SPOCK3: variants seen among roughly 807,000 people sequenced by gnomAD.
SPOCK3 encodes testican-3.
In SPOCK3, 30 loss-of-function variants were observed where a neutral mutation model predicts 56.6. The ratio of observed to expected loss-of-function variants is 0.53; its 90% CI spans 0.40 to 0.72. The LOEUF is 0.72. Ranked by LOEUF, SPOCK3 falls within the 30% of genes least tolerant of loss-of-function variation. The pLI is 0.00. For synonymous variants in SPOCK3, 196 were observed against 183.3 expected (o/e 1.07, Z -0.56); for missense variants, 527 against 530.0 (o/e 0.99, Z 0.06).
intron 4 of SPOCK3, among the ~76,000 whole-genome samples, chr4:166,998,045 C>T (rs534198347): frequency 2.0e-5 from 3 of 152,192 alleles, no homozygotes; most frequent in Admixed American, 6.6e-5. Flanking sequence ...GATCAAAGTG[C>T]TTGGCAAAGC....
At chr4:166,989,048 G>A (rs547456587) in intron 4 of SPOCK3, among the ~76,000 whole-genome samples, 13 of 151,968 alleles carry the variant, frequency 8.6e-5, no homozygotes, top group South Asian at 2.1e-4. Context: ...ATGCTAAAAC[G>A]GAAGGAAAGA....
At chr4:166,931,245 G>C (rs1739721056) in intron 4 of SPOCK3, among the ~76,000 whole-genome samples, 1 of 151,844 alleles carries the variant, frequency 6.6e-6, no homozygotes, top group African/African-American at 2.4e-5. Flanking sequence ...GCCTCTCAAA[G>C]TGCCGGGATT....
chr4:166,755,575 AGTT>A (rs201360255), intron 7 of SPOCK3, among the ~76,000 whole-genome samples: 2 of 152,034 alleles, frequency 1.3e-5, no homozygotes, highest in African/African-American at 4.8e-5. Flanking sequence ...TTGCTTATCT[AGTT>A]GTTGTTTAAT....
intron 2 of SPOCK3, among the ~76,000 whole-genome samples, chr4:167,151,310 G>A (rs964388900): frequency 6.6e-6 from 1 of 152,218 alleles, no homozygotes; most frequent in Non-Finnish European, 1.5e-5. Context: ...GGATGACATA[G>A]GCTAGCAAGA....
intron 4 of SPOCK3, among the ~76,000 whole-genome samples, chr4:166,967,800 G>T (rs1744905708): frequency 6.6e-6 from 1 of 152,160 alleles, no homozygotes; most frequent in Non-Finnish European, 1.5e-5. Context: ...TGGGTAACAG[G>T]CAAAGGTTGG....
chr4:166,942,034 T>A (rs1021766556), intron 4 of SPOCK3, among the ~76,000 whole-genome samples: 1 of 151,198 alleles, frequency 6.6e-6, no homozygotes, highest in East Asian at 2.0e-4. Flanking sequence ...TATACAGAAA[T>A]AAAAAAAACT....
intron 6 of SPOCK3, among the ~76,000 whole-genome samples, chr4:166,873,856 G>A (rs575501021): frequency 1.3e-5 from 2 of 152,092 alleles, no homozygotes; most frequent in Non-Finnish European, 2.9e-5. Context: ...AGATTCTAAA[G>A]GAAAAAGAGG....
intron 4 of SPOCK3, among the ~76,000 whole-genome samples, chr4:166,942,763 A>C (rs1213916860): frequency 6.6e-6 from 1 of 152,226 alleles, no homozygotes; most frequent in African/African-American, 2.4e-5. Context: ...TGCATGATAC[A>C]TTCAAGAAGA....
At chr4:166,825,821 T>G (rs907379794) in intron 6 of SPOCK3, among the ~76,000 whole-genome samples, 1 of 152,054 alleles carries the variant, frequency 6.6e-6, no homozygotes, top group Non-Finnish European at 1.5e-5. Flanking sequence ...TGTTCTCACT[T>G]ATAAGTGGGA....
rs371198163 is a variant in SPOCK3 at position 167,211,558 on chromosome 4, A to G, written c.189+22427T>C. On this transcript the variant is annotated intron_variant, in intron 2 of 10. Transcript: ENST00000357545. ...TGAATCATGGGGGCAGGTCTTTCCT[A>G]TGCTGTTCTCGTGATAGTGTATAAG... is the stretch of plus-strand genomic sequence containing the variant. Among the ~76,000 whole-genome samples the G allele has an allele frequency of 7.9e-5, 12 of 152,196 alleles. 1 individual carries two copies. The highest frequency in any genetic ancestry group is 2.9e-4 in the African/African-American group (12 of 41,526).
intron 6 of SPOCK3, among the ~76,000 whole-genome samples, chr4:166,848,765 G>T (rs150458083): frequency 6.0e-4 from 91 of 152,262 alleles, no homozygotes; most frequent in African/African-American, 2.2e-3. Context: ...TTTGAGGAGG[G>T]CATGTGCATA....
intron 7 of SPOCK3, among the ~76,000 whole-genome samples, chr4:166,789,190 G>GA (rs1276099724): frequency 6.6e-6 from 1 of 152,058 alleles, no homozygotes; most frequent in Non-Finnish European, 1.5e-5. Flanking sequence ...ACCACTTTGG[G>GA]AAGCCAAGGC....
chr4:166,891,397 C>T (rs1306337609), intron 5 of SPOCK3, among the ~76,000 whole-genome samples: 2 of 151,978 alleles, frequency 1.3e-5, no homozygotes, highest in Admixed American at 6.6e-5. Context: ...CATGTCTCTA[C>T]AATATTTTTA....
At chr4:167,143,908 A>G (rs1293199149) in intron 2 of SPOCK3, among the ~76,000 whole-genome samples, 3 of 151,992 alleles carry the variant, frequency 2.0e-5, no homozygotes, top group African/African-American at 7.2e-5. Context: ...ATGAGAGTTA[A>G]CATGGGGCCA....
intron 2 of SPOCK3, among the ~76,000 whole-genome samples, chr4:167,125,872 T>C (rs1762235048): frequency 6.6e-6 from 1 of 152,164 alleles, no homozygotes; most frequent in African/African-American, 2.4e-5. Flanking sequence ...CTTCATTTCA[T>C]GTTCTAAGAT....
chr4:166,898,389 T>G (rs1005733263), intron 5 of SPOCK3, among the ~76,000 whole-genome samples: 1 of 151,960 alleles, frequency 6.6e-6, no homozygotes, highest in African/African-American at 2.4e-5. Flanking sequence ...TCACCTATAC[T>G]GAAGAACTTT....
chr4:166,940,192 T>C (rs1360798184), intron 4 of SPOCK3, among the ~76,000 whole-genome samples: 1 of 152,144 alleles, frequency 6.6e-6, no homozygotes, highest in Non-Finnish European at 1.5e-5. Flanking sequence ...AGAAGAAATA[T>C]TTGTTCTGGT....
intron 4 of SPOCK3, 131 bp downstream of exon 4, chr4:167,000,218 T>C (rs1313655365): frequency 2.1e-6 from 1 of 474,910 alleles, no homozygotes; most frequent in Non-Finnish European, 3.7e-6. Flanking sequence ...TTGTATTAAC[T>C]AAGCTTCTGT....
intron 2 of SPOCK3, among the ~76,000 whole-genome samples, chr4:167,195,955 C>T (rs988791045): frequency 8.5e-5 from 13 of 152,142 alleles, no homozygotes; most frequent in East Asian, 1.9e-4. Context: ...CCTATTCTGT[C>T]GTATTGCTGA....
Sources: gnomAD v4.1 joint callset for allele counts (sites outside exome capture counted in the v4.1 genomes callset) on GRCh38, gnomAD v4.1.1 for gene constraint, MANE v1.5 for transcripts, NCBI Gene and HGNC (gene_info 2026-07-23, HGNC 2026-07-21) for gene names.